COG5: variants seen among roughly 807,000 people sequenced by gnomAD.
COG5 encodes the protein conserved oligomeric Golgi complex subunit 5.
In COG5, 86 loss-of-function variants were observed where a neutral mutation model predicts 110.4. That is an observed-to-expected ratio of 0.78 (90% confidence interval 0.65 to 0.93). COG5 has a LOEUF of 0.93. Among genes scored for constraint, COG5 ranks in the 40% least tolerant of loss-of-function variants. COG5 has a pLI of 0.00. For missense variants in COG5, 1,077 were observed against 987.0 expected, an observed-to-expected ratio of 1.09 and a Z score of -1.22; for synonymous variants, 360 against 334.6, an observed-to-expected ratio of 1.08 and a Z score of -0.83.
At chr7:107,398,830 A>G (rs916531812) in intron 7 of COG5, among the ~76,000 whole-genome samples, 2 of 152,202 alleles carry the variant, frequency 1.3e-5, no homozygotes, top group Admixed American at 1.3e-4. Flanking sequence ...CTGACTACAA[A>G]CAAGCATGAA....
chr7:107,510,545 G>A (rs1157961407), intron 6 of COG5, among the ~76,000 whole-genome samples: 1 of 152,134 alleles, frequency 6.6e-6, no homozygotes, highest in Non-Finnish European at 1.5e-5. Flanking sequence ...GCACCAAGCG[G>A]ACCTAATAGA....
In COG5 at chr7:107,511,245, C is replaced by G. The variant is rs1256452058; in HGVS notation, c.538+15992G>C. ...CCGATCCCACAGAAATACAAACTAC[C>G]ATCACAGAATACTACAAACACCTCT... On this transcript the variant is annotated intron_variant, in intron 6 of 21. Coordinates refer to ENST00000297135, the MANE Select transcript of COG5 (RefSeq NM_006348.5). 2.0e-5 allele frequency among the ~76,000 whole-genome samples: 3 copies of G among 152,114 alleles called. No individual in the cohort carries two copies. The South Asian group carries it at 6.2e-4, about 32-fold the overall frequency.
chr7:107,218,177 C>T (rs868203092), intron 19 of COG5, among the ~76,000 whole-genome samples: 24 of 151,750 alleles, frequency 1.6e-4, no homozygotes, highest in African/African-American at 4.1e-4. Flanking sequence ...CACTAAAAAC[C>T]GTAAAACATT....
rs111899352 is a variant in COG5, at chr7:107,423,756, G to T, written c.539-11124C>A. ...AACAGAATCTTGCAACATATGAAAA[G>T]AATAATATGCCATGACCATGAGGAA... is the stretch of plus-strand genomic sequence containing the variant. On this transcript the variant is annotated intron_variant, in intron 6 of 21. Transcript: ENST00000297135. Among the ~76,000 whole-genome samples, 10 of 151,820 alleles carry T rather than the reference G, an allele frequency of 6.6e-5. 3 individuals are homozygous for T. The highest frequency in any genetic ancestry group is 2.2e-4 in the African/African-American group (9 of 41,426).
At chr7:107,221,336 A>G (rs531361119) in intron 19 of COG5, among the ~76,000 whole-genome samples, 2 of 152,288 alleles carry the variant, frequency 1.3e-5, no homozygotes, top group Non-Finnish European at 2.9e-5. Flanking sequence ...AACAGCAGCC[A>G]TATGGAATCC....
chr7:107,284,882 AAAC>A (rs1371384406), intron 12 of COG5, among the ~76,000 whole-genome samples: 8 of 152,204 alleles, frequency 5.3e-5, no homozygotes, highest in South Asian at 4.2e-4. Flanking sequence ...TTTCTTTTAT[AAAC>A]AACAAATTTT....
intron 10 of COG5, among the ~76,000 whole-genome samples, chr7:107,325,656 GCAAA>G (rs35160073): frequency 1.2e-4 from 18 of 151,470 alleles, no homozygotes; most frequent in Admixed American, 7.9e-4. Flanking sequence ...GTCTCAAGAA[GCAAA>G]CAAACAAACA....
chr7:107,425,828 G>A (rs998196247), intron 6 of COG5, among the ~76,000 whole-genome samples: 1 of 152,156 alleles, frequency 6.6e-6, no homozygotes, highest in African/African-American at 2.4e-5. Flanking sequence ...AAATTCATAT[G>A]TTGAAGTCCT....
At chr7:107,328,791 ATTTAT>A (rs894627250) in intron 10 of COG5, among the ~76,000 whole-genome samples, 13 of 152,020 alleles carry the variant, frequency 8.6e-5, no homozygotes, top group African/African-American at 2.9e-4. Flanking sequence ...ACAGAAAACA[ATTTAT>A]TTTATTTTTA....
At chr7:107,554,424 C>G in intron 2 of COG5, 82 bp from the exon 3 acceptor site, 2 of 1,240,996 alleles carry the variant, frequency 1.6e-6, no homozygotes, top group Non-Finnish European at 2.4e-6. Flanking sequence ...GACAGTCTCT[C>G]TTGGTGTAGA....
At chr7:107,469,114 T>A (rs1423616694) in intron 6 of COG5, among the ~76,000 whole-genome samples, 1 of 151,378 alleles carries the variant, frequency 6.6e-6, no homozygotes, top group African/African-American at 2.4e-5. Flanking sequence ...TGAAAATGTA[T>A]CTATCTTATA....
intron 19 of COG5, among the ~76,000 whole-genome samples, chr7:107,216,943 GT>G (rs1334369604): frequency 2.0e-5 from 3 of 151,930 alleles, no homozygotes; most frequent in Admixed American, 6.6e-5. Context: ...AAAACAAAGA[GT>G]TTTTTGAAAA....
rs113448028 is a variant in COG5, at chr7:107,427,043, G to C, written c.539-14411C>G. Reference sequence around the variant, plus strand: ...ACTACTATTCGATAATATGGGTTTCGAGGTTTGCACGACAGCAGTGAAGGG... The same window carrying C: ...ACTACTATTCGATAATATGGGTTTCCAGGTTTGCACGACAGCAGTGAAGGG... On this transcript the variant is annotated intron_variant, in intron 6 of 21. Coordinates refer to ENST00000297135, the MANE Select transcript of COG5 (RefSeq NM_006348.5). Among the ~76,000 whole-genome samples, 531 of 152,198 alleles carry C rather than the reference G, an allele frequency of 3.5e-3. 7 individuals carry two copies. Among genetic ancestry groups the C allele is most frequent in the African/African-American group, 0.012 (499 of 41,528 alleles).
intron 7 of COG5, among the ~76,000 whole-genome samples, chr7:107,408,979 T>C (rs184204694): frequency 1.3e-5 from 2 of 152,228 alleles, no homozygotes; most frequent in Non-Finnish European, 2.9e-5. Flanking sequence ...AAGTAAGTTC[T>C]GTTCTCTATA....
intron 6 of COG5, among the ~76,000 whole-genome samples, chr7:107,508,027 G>C (rs186171029): frequency 1.3e-5 from 2 of 152,198 alleles, no homozygotes; most frequent in Admixed American, 1.3e-4. Flanking sequence ...GCCAGACAGT[G>C]GGTGCAAGAC....
chr7:107,240,742 TA>T (rs1309117093), intron 17 of COG5, among the ~76,000 whole-genome samples: 1 of 152,232 alleles, frequency 6.6e-6, no homozygotes, highest in African/African-American at 2.4e-5. Flanking sequence ...ATAAGCCATA[TA>T]TATATGAAAT....
At chr7:107,370,048 T>G (rs559047890) in intron 8 of COG5, among the ~76,000 whole-genome samples, 14 of 152,274 alleles carry the variant, frequency 9.2e-5, no homozygotes, top group Admixed American at 9.2e-4. Context: ...TCTTATTGAG[T>G]TACAGGCTGT....
Position 107,288,349 on chromosome 7 carries a change from GA to G in COG5, c.1314-4618del, listed in dbSNP as rs747803689. 1.1e-4 allele frequency among the ~76,000 whole-genome samples: 16 copies of G among 152,098 alleles called. 2 individuals carry two copies. Among genetic ancestry groups the G allele is most frequent in the Admixed American group, 9.2e-4 (14 of 15,262 alleles). ...TGCACTCTAGCCTGGGCTACAGAACGAGACCCAGTTTCAAGAAAAAAAGTTT... is the reference window on the plus strand; with the variant it reads ...TGCACTCTAGCCTGGGCTACAGAACGGACCCAGTTTCAAGAAAAAAAGTTT... On this transcript the variant is annotated intron_variant, in intron 12 of 21. Transcript: ENST00000297135.
At chr7:107,365,293 T>C (rs1291469239) in intron 8 of COG5, among the ~76,000 whole-genome samples, 1 of 152,046 alleles carries the variant, frequency 6.6e-6, no homozygotes, top group Non-Finnish European at 1.5e-5. Flanking sequence ...ATCATTTTCT[T>C]ACTCTCTTCT....
Sources: allele counts gnomAD v4.1 joint callset (sites outside exome capture counted in the v4.1 genomes callset), GRCh38; gene constraint gnomAD v4.1.1; transcripts MANE v1.5; gene names NCBI Gene and HGNC (gene_info 2026-07-23, HGNC 2026-07-21).